The following TOP2A variants were observed in gnomAD, a reference collection of about 807,000 sequenced individuals.
TOP2A encodes the protein DNA topoisomerase II alpha, also known as DNA topoisomerase 2-alpha.
A neutral mutation model predicts 187.2 loss-of-function variants in TOP2A; 68 were observed. The observed-to-expected ratio is 0.36, with a 90% CI of 0.30 to 0.44. The LOEUF is 0.44. TOP2A is among the 20% of genes least tolerant of loss of function. The pLI, the probability that TOP2A is intolerant of heterozygous loss-of-function variation, is 1.00. For missense variants in TOP2A, 1,196 were observed against 1,808.7 expected (o/e 0.66, Z 6.14); for synonymous variants, 542 against 593.2 (o/e 0.91, Z 1.25).
intron 16 of TOP2A, 103 bp downstream of exon 16, chr17:40,406,281 T>G: frequency 2.7e-6 from 2 of 744,194 alleles, no homozygotes; most frequent in Non-Finnish European, 4.2e-6. Context: ...AAAACATTCT[T>G]TTTTTTTTGA....
chr17:40,409,345 C>T (rs763618113), intron 10 of TOP2A: 19 of 401,492 alleles, frequency 4.7e-5, no homozygotes, highest in South Asian at 3.5e-4. Context: ...CACGGCACTC[C>T]AGCCTGGGAA....
rs2143680472 is a variant in TOP2A, at chr17:40,411,332, G to C, written c.1065+22C>G. The C allele has an allele frequency of 1.2e-6, 2 of 1,612,824 alleles. No individual in the cohort carries two copies. Among genetic ancestry groups the C allele is most frequent in the Non-Finnish European group, 8.5e-7 (1 of 1,179,454 alleles). Reference sequence around the variant, plus strand: ...CTCTTCTTCCTTGACTTTAGAAAAAGAAAACTGCCAAAAGCACATACCTGA... The same window carrying C: ...CTCTTCTTCCTTGACTTTAGAAAAACAAAACTGCCAAAAGCACATACCTGA... On this transcript the variant is annotated intron_variant, in intron 9 of 34. Transcript: ENST00000423485. This position sits in a 1 kb window ranked among gnomAD's most constrained non-coding sequence, Gnocchi z 4.4.
chr17:40,398,495 A>G (rs1392786412), intron 27 of TOP2A, 63 bp downstream of exon 27: 1 of 1,357,020 alleles, frequency 7.4e-7, no homozygotes. Context: ...TGACAAAGGT[A>G]TACTGCTGGA....
chr17:40,416,636 A>G lies in TOP2A; in HGVS notation c.177+104T>C, dbSNP rs2143696547. 8 of 1,453,158 alleles carry G rather than the reference A, an allele frequency of 5.5e-6. No individual in the cohort carries two copies. The South Asian group carries it at 9.7e-5, about 18-fold the overall frequency. 90.0% of individuals were successfully genotyped at this position (1,453,158 alleles called of 1,614,324 possible). A position where few individuals can be genotyped will look rare whatever the true frequency, so the allele number is the denominator to read the frequency against. On this transcript the variant is annotated intron_variant, in intron 2 of 34. Transcript: ENST00000423485. ...TAGGCCAGTTCCAGTGACACTCAGT[A>G]CATGAGAGATACAGAAAGGTCACAC...
In TOP2A at chr17:40,392,063, C is replaced by T. The variant is rs770675481; in HGVS notation, c.4132+5G>A. On this transcript the variant is annotated splice_donor_5th_base_variant and intron_variant, in intron 32 of 34. Transcript: ENST00000423485. ...ATGTCTCACTACTTTTACTTAAATA[C>T]ATACCTGACACGACACTTTTCTGTG... is the stretch of plus-strand genomic sequence containing the variant. 1 of 1,611,448 alleles carries T rather than the reference C, an allele frequency of 6.2e-7. No homozygotes were observed. The highest frequency in any genetic ancestry group is 1.1e-5 in the South Asian group (1 of 90,388).
chr17:40,408,993 G>A, intron 10 of TOP2A: 1 of 405,912 alleles, frequency 2.5e-6, no homozygotes, highest in Non-Finnish European at 4.8e-6. Flanking sequence ...TCAGGAGTTT[G>A]AGACCGGCCT....
intron 16 of TOP2A, among the ~76,000 whole-genome samples, 192 bp from the exon 17 acceptor site, chr17:40,405,075 T>C (rs1398519223): frequency 6.6e-6 from 1 of 151,604 alleles, no homozygotes; most frequent in East Asian, 1.9e-4. Flanking sequence ...CTGCAACCTC[T>C]GCGTCCTAGG....
chr17:40,412,828 G>A lies in TOP2A; in HGVS notation c.720C>T (p.Val240=). Residue 240 remains valine, a synonymous_variant, in exon 7 of 35, where the codon GTC becomes GTT. Coordinates refer to ENST00000423485, the MANE Select transcript of TOP2A (RefSeq NM_001067.4). ...ATCCAGCAATATCATATGCTCTTCT[G>A]ACCATTAGTGCAACAATATCTTTGT... ...SLDKDIVALM[V]RRAYDIAGST... The A allele has an allele frequency of 6.2e-7, 1 of 1,613,900 alleles. No homozygotes were observed. The highest frequency in any genetic ancestry group is 8.5e-7 in the Non-Finnish European group (1 of 1,179,868).
At chr17:40,395,872 A>G (rs939461284) in intron 28 of TOP2A, among the ~76,000 whole-genome samples, 7 of 152,158 alleles carry the variant, frequency 4.6e-5, no homozygotes, top group Non-Finnish European at 8.8e-5. Flanking sequence ...TGGGTAACAC[A>G]GCGAGACTCC....
In TOP2A at chr17:40,417,868, A is replaced by C; in HGVS notation, c.-77T>G. On this transcript the variant is annotated 5_prime_UTR_variant, in exon 1 of 35. Transcript: ENST00000423485. The stretch of plus-strand genomic sequence containing the variant: ...GACCCCACGAGACCACCCCCGACCA[A>C]GCCGCTTCTCCACAGACGCGCGTCG... The C allele has an allele frequency of 6.3e-7, 1 of 1,594,328 alleles. No individual in the cohort carries two copies. The highest frequency in any genetic ancestry group is 8.6e-7 in the Non-Finnish European group (1 of 1,167,720).
chr17:40,415,929 A>G (rs902596175), intron 4 of TOP2A, 76 bp downstream of exon 4: 3 of 1,071,178 alleles, frequency 2.8e-6, no homozygotes, highest in African/African-American at 3.2e-5. Context: ...GGAAAAGCCA[A>G]CTTCACCAGT....
intron 26 of TOP2A, 61 bp from the exon 27 acceptor site, chr17:40,398,702 C>A (rs1312784357): frequency 1.2e-6 from 2 of 1,603,300 alleles, no homozygotes; most frequent in Admixed American, 3.5e-5. Context: ...TTTCATGCAA[C>A]ACACAATTTT....
chr17:40,405,053 C>G (rs1018605066), intron 16 of TOP2A, among the ~76,000 whole-genome samples, 170 bp from the exon 17 acceptor site: 1 of 149,710 alleles, frequency 6.7e-6, no homozygotes, highest in Non-Finnish European at 1.5e-5. Flanking sequence ...GCAATGGTGT[C>G]ATCTTGGCTC....
At chr17:40,412,235 T>A (rs2035330057) in intron 7 of TOP2A, among the ~76,000 whole-genome samples, 1 of 152,174 alleles carries the variant, frequency 6.6e-6, no homozygotes. Context: ...ACATGAAATA[T>A]TTATTTTAGG....
intron 16 of TOP2A, 130 bp downstream of exon 16, chr17:40,406,254 G>T: frequency 1.4e-6 from 1 of 701,484 alleles, no homozygotes. Flanking sequence ...ATGCTTACTG[G>T]AAACATTCTA....
At chr17:40,415,830 G>A (rs919127785) in intron 4 of TOP2A, among the ~76,000 whole-genome samples, 175 bp downstream of exon 4, 6 of 152,054 alleles carry the variant, frequency 3.9e-5, no homozygotes, top group African/African-American at 1.2e-4. Flanking sequence ...ATGGAAAAAC[G>A]TTGGCAACTG....
In TOP2A at chr17:40,411,029, T is replaced by C. The variant is rs1426939617; in HGVS notation, c.1203+80A>G. The C allele has an allele frequency of 7.3e-7, 1 of 1,369,148 alleles. No individual in the cohort carries two copies. Among genetic ancestry groups the C allele is most frequent in the Non-Finnish European group, 9.7e-7 (1 of 1,029,466 alleles). 84.8% of individuals were successfully genotyped at this position (1,369,148 alleles called of 1,614,324 possible). The stretch of plus-strand genomic sequence containing the variant: ...TTGGAGAAGCTCACTATGAGAAGAA[T>C]CATTGTTTCTGCAGAGCTAAGAAGT... On this transcript the variant is annotated intron_variant, in intron 10 of 34. Transcript: ENST00000423485. The surrounding 1 kb of genome is among the most constrained non-coding windows in gnomAD (Gnocchi z 4.4).
rs549142387 is a variant in TOP2A at position 40,389,022 on chromosome 17, G to T, written c.*497C>A. ...AAAAACTTGGCACATAAGAGGCTGA[G>T]TGTAGTAGAGTATCTGTACTAGAAC... is the stretch of plus-strand genomic sequence containing the variant. On this transcript the variant is annotated 3_prime_UTR_variant, in exon 35 of 35. Transcript: ENST00000423485. The T allele has an allele frequency of 9.2e-6, 2 of 216,236 alleles. No homozygotes were observed. The highest frequency in any genetic ancestry group is 1.2e-4 in the Admixed American group (2 of 17,154). The allele number at this position is 216,236 out of a possible 1,614,324, so 13.4% of individuals were successfully genotyped here.
At chr17:40,389,884 T>G in intron 34 of TOP2A, 81 bp downstream of exon 34, 1 of 1,410,560 alleles carries the variant, frequency 7.1e-7, no homozygotes, top group South Asian at 1.5e-5. Flanking sequence ...CTTAAAGATA[T>G]GCCAAATTTT....
Sources: allele counts gnomAD v4.1 joint callset (sites outside exome capture counted in the v4.1 genomes callset), GRCh38; gene constraint gnomAD v4.1.1; non-coding constraint Gnocchi (gnomAD v3.1); transcripts MANE v1.5; gene names NCBI Gene and HGNC (gene_info 2026-07-23, HGNC 2026-07-21).